ACTG2: variants seen among roughly 807,000 people sequenced by gnomAD.
ACTG2 encodes actin, gamma-enteric smooth muscle.
Under a neutral mutation model 37.6 loss-of-function variants are expected in ACTG2, and 16 were observed. That is an observed-to-expected ratio of 0.43 (90% CI 0.29 to 0.65). The LOEUF (loss-of-function observed/expected upper bound fraction) is 0.65. Ranked by LOEUF, ACTG2 falls within the 30% of genes least tolerant of loss-of-function variation. ACTG2 has a pLI of 0.18. For missense variants in ACTG2, 238 were observed against 490.9 expected (o/e 0.48, Z 4.87); for synonymous variants, 181 against 179.9 (o/e 1.01, Z -0.05).
chr2:73,898,380 C>T (rs78458585), intron 1 of ACTG2, among the ~76,000 whole-genome samples: 6,225 of 56,732 alleles, frequency 0.11, 591 homozygotes, highest in African/African-American at 0.2. Context: ...TTAAATATTT[C>T]AGTTTCTCCA....
chr2:73,894,577 C>T (rs1356130016), intron 1 of ACTG2, among the ~76,000 whole-genome samples: 1 of 152,078 alleles, frequency 6.6e-6, no homozygotes, highest in Non-Finnish European at 1.5e-5. Context: ...TCTGCAGTTA[C>T]TGGAAGAGAC....
At chr2:73,917,119 A>G (rs1487461408) in intron 8 of ACTG2, among the ~76,000 whole-genome samples, 3 of 152,070 alleles carry the variant, frequency 2.0e-5, no homozygotes, top group Admixed American at 1.3e-4. Context: ...GAAGGCCACA[A>G]TGAGCTCTAA....
intron 1 of ACTG2, among the ~76,000 whole-genome samples, chr2:73,899,014 G>T (rs1196367697): frequency 1.3e-4 from 19 of 151,920 alleles, no homozygotes; most frequent in Non-Finnish European, 2.4e-4. Context: ...GTTTCACCAT[G>T]TTAGCCAGGA....
At chr2:73,911,213 G>A (rs1253537220) in intron 5 of ACTG2, among the ~76,000 whole-genome samples, 1 of 152,204 alleles carries the variant, frequency 6.6e-6, no homozygotes, top group Non-Finnish European at 1.5e-5. Flanking sequence ...TAGTATAAGA[G>A]CTGGGTGCAG....
At chr2:73,916,802 G>C (rs146943817) in intron 8 of ACTG2, 37 bp downstream of exon 8, 2 of 1,596,494 alleles carry the variant, frequency 1.3e-6, no homozygotes, top group African/African-American at 1.3e-5. Flanking sequence ...CCTGTTCTTT[G>C]TATAAAGTCT....
chr2:73,914,625 A>G, intron 6 of ACTG2, 55 bp from the exon 7 acceptor site: 1 of 1,383,420 alleles, frequency 7.2e-7, no homozygotes, highest in Non-Finnish European at 9.6e-7. Context: ...TCAAAATGGG[A>G]CAACCAAACT....
intron 1 of ACTG2, among the ~76,000 whole-genome samples, chr2:73,900,858 G>C (rs891876387): frequency 6.6e-6 from 1 of 152,026 alleles, no homozygotes; most frequent in Non-Finnish European, 1.5e-5. Flanking sequence ...TCTTTGGCTT[G>C]TATATGGCCA....
At chr2:73,913,738 CTG>C in intron 6 of ACTG2, 92 bp downstream of exon 6, 1 of 1,188,570 alleles carries the variant, frequency 8.4e-7, no homozygotes, top group Non-Finnish European at 1.2e-6. Context: ...TTCTGTGACT[CTG>C]TGTCTTTAAA....
intron 7 of ACTG2, among the ~76,000 whole-genome samples, chr2:73,916,296 A>C (rs2104824548): frequency 6.6e-6 from 1 of 151,842 alleles, no homozygotes; most frequent in South Asian, 2.1e-4. Flanking sequence ...GAATCACTTG[A>C]ACCAGGGATC....
At chr2:73,894,991 A>C (rs1223518547) in intron 1 of ACTG2, among the ~76,000 whole-genome samples, 1 of 152,154 alleles carries the variant, frequency 6.6e-6, no homozygotes, top group Non-Finnish European at 1.5e-5. Context: ...GCGCTACTGC[A>C]GCATGCGGTG....
rs1331440670 is a variant in ACTG2 at position 73,902,504 on chromosome 2, C to A, written c.255+16C>A. 2 of 1,613,730 alleles carry A rather than the reference C, an allele frequency of 1.2e-6. No homozygotes were observed. Among genetic ancestry groups the A allele is most frequent in the African/African-American group, 2.7e-5 (2 of 74,876 alleles). On this transcript the variant is annotated intron_variant, in intron 3 of 8. Transcript: ENST00000345517. ...CATGGAGAAGGTATCTGTAGACTTCCCCTTAATGAGCCTGCTTTAATGATC... is the reference window on the plus strand; with the variant it reads ...CATGGAGAAGGTATCTGTAGACTTCACCTTAATGAGCCTGCTTTAATGATC...
chr2:73,894,344 A>G (rs1442007156), intron 1 of ACTG2, among the ~76,000 whole-genome samples: 1 of 152,164 alleles, frequency 6.6e-6, no homozygotes, highest in East Asian at 1.9e-4. Flanking sequence ...TGGGCTGAAA[A>G]GAGGAAGAGC....
At chr2:73,905,487 AAC>A (rs1483798468) in intron 3 of ACTG2, among the ~76,000 whole-genome samples, 3 of 152,222 alleles carry the variant, frequency 2.0e-5, no homozygotes, top group African/African-American at 2.4e-5. Context: ...ACAAATAAAA[AAC>A]AGTTAATTAG....
intron 1 of ACTG2, among the ~76,000 whole-genome samples, chr2:73,898,357 C>A (rs1184826301): frequency 7.1e-6 from 1 of 141,830 alleles, no homozygotes; most frequent in African/African-American, 2.5e-5. Flanking sequence ...CAACTTGCAC[C>A]TTTTCTATTG....
intron 5 of ACTG2, among the ~76,000 whole-genome samples, chr2:73,912,171 A>G (rs1329221111): frequency 6.6e-6 from 1 of 152,144 alleles, no homozygotes; most frequent in African/African-American, 2.4e-5. Flanking sequence ...TTTTGTTTTC[A>G]TTTTGAGATG....
At position 73,916,693 on chromosome 2, in the gene ACTG2, C is replaced by T. The variant is rs780053459; in HGVS notation, c.915C>T (p.Thr305=). The T allele has an allele frequency of 4.2e-5, 67 of 1,614,026 alleles. No homozygotes were observed. Among genetic ancestry groups the T allele is most frequent in the South Asian group, 4.1e-4 (37 of 91,084 alleles). The change falls in exon 8 of 9, where the codon ACC becomes ACT. Residue 305 remains threonine (T), a synonymous_variant. Coordinates refer to ENST00000345517, the MANE Select transcript of ACTG2 (RefSeq NM_001615.4). ...YANNVLSGGT[T]MYPGIADRMQ... Reference sequence around the variant, plus strand: ...ACAATGTCCTCTCTGGGGGCACCACCATGTACCCTGGCATTGCTGACAGGA... The same window carrying T: ...ACAATGTCCTCTCTGGGGGCACCACTATGTACCCTGGCATTGCTGACAGGA...
chr2:73,915,268 C>G (rs1157665181), intron 7 of ACTG2, among the ~76,000 whole-genome samples: 7 of 151,968 alleles, frequency 4.6e-5, no homozygotes, highest in Non-Finnish European at 8.8e-5. Context: ...GCCTGTAATC[C>G]CAGCACTTTG....
chr2:73,901,667 A>G (rs1679886894), intron 2 of ACTG2: 2 of 701,792 alleles, frequency 2.8e-6, no homozygotes, highest in Non-Finnish European at 4.3e-6. Context: ...ATTAACTGAT[A>G]GAGCAGGACC....
intron 8 of ACTG2, among the ~76,000 whole-genome samples, chr2:73,918,654 C>T (rs1407024278): frequency 6.6e-6 from 1 of 152,152 alleles, no homozygotes; most frequent in Non-Finnish European, 1.5e-5. Context: ...TTTGACCTGA[C>T]AATCAATTTC....
Sources: allele counts gnomAD v4.1 joint callset (sites outside exome capture counted in the v4.1 genomes callset), GRCh38; gene constraint gnomAD v4.1.1; transcripts MANE v1.5; gene names NCBI Gene and HGNC (gene_info 2026-07-23, HGNC 2026-07-21).